Variants in DNM3 observed in about 807,000 individuals in gnomAD.
DNM3 encodes the protein dynamin 3, also known as dynamin-3.
In DNM3, 47 loss-of-function variants were observed where a neutral mutation model predicts 101.6. That is an observed-to-expected ratio of 0.46 (90% CI 0.37 to 0.59). The LOEUF (loss-of-function observed/expected upper bound fraction) is 0.59, where lower values mean the gene tolerates loss of function less well. Among genes scored for constraint, DNM3 ranks in the 20% least tolerant of loss-of-function variants. The pLI is 0.00. For missense variants in DNM3, 849 were observed against 1,085.7 expected, an observed-to-expected ratio of 0.78 and a Z score of 3.06; for synonymous variants, 385 against 387.9, an observed-to-expected ratio of 0.99 and a Z score of 0.09.
At chr1:171,853,233 T>C (rs1461869188) in intron 1 of DNM3, among the ~76,000 whole-genome samples, 1 of 152,018 alleles carries the variant, frequency 6.6e-6, no homozygotes, top group Non-Finnish European at 1.5e-5. Flanking sequence ...GCATGAAAAC[T>C]GCTCACTGCA....
intron 10 of DNM3, among the ~76,000 whole-genome samples, chr1:172,052,301 C>T (rs756271795): frequency 2.6e-4 from 39 of 152,114 alleles, no homozygotes; most frequent in Non-Finnish European, 4.9e-4. Flanking sequence ...ACTCTCACCT[C>T]CTTAGAGGAT....
chr1:172,038,339 G>C lies in DNM3; in HGVS notation c.870G>C (p.Arg290=). ...TTTAGCAACTTACCAACCACATTCG[G>C]GATACCCTACCAAACTTCAGGAACA... The part of the protein sequence containing the change: ...VLNQQLTNHI[R]DTLPNFRNKL... The change falls in exon 7 of 21, where the codon CGG becomes CGC. Residue 290 remains arginine, a synonymous_variant. Coordinates refer to ENST00000627582, the MANE Select transcript of DNM3 (RefSeq NM_015569.5). 6.2e-7 allele frequency: 1 copy of C among 1,613,194 alleles called. No homozygotes were observed. Among genetic ancestry groups the C allele is most frequent in the Admixed American group, 1.7e-5 (1 of 59,886 alleles).
Position 172,140,823 on chromosome 1 carries a change from G to A in DNM3, c.1659+9535G>A, listed in dbSNP as rs539835046. ...CACTTACAGTAACTATGTGACATAT[G>A]CACACTTCATTGTTATGTTGAACCT... On this transcript the variant is annotated intron_variant, in intron 14 of 20. Coordinates refer to ENST00000627582, the MANE Select transcript of DNM3 (RefSeq NM_015569.5). 2.0e-5 allele frequency among the ~76,000 whole-genome samples: 3 copies of A among 152,010 alleles called. No homozygotes were observed. In the South Asian group the frequency reaches 6.2e-4, roughly 32 times the overall value.
At position 172,388,697 on chromosome 1, in the gene DNM3, C is replaced by G; in HGVS notation, c.2410C>G (p.Pro804Ala). ...TCCTGGCCCCCACTCTGGGGCTCCT[C>G]CAGTCCCATTCCGTCCAGGCCCATT... ...PSPGPHSGAP[P>A]VPFRPGPLPP... Residue 804 changes from proline to alanine, a missense_variant, in exon 20 of 21, where the codon CCA becomes GCA. Pro to Ala is a conservative substitution (Grantham distance 27). This residue lies in a region of DNM3 where 256 missense variants were observed against 311.7 expected (regional missense o/e 0.82). Coordinates refer to ENST00000627582, the MANE Select transcript of DNM3 (RefSeq NM_015569.5). 6.2e-7 allele frequency: 1 copy of G among 1,613,920 alleles called. No individual in the cohort carries two copies. The highest frequency in any genetic ancestry group is 8.5e-7 in the Non-Finnish European group (1 of 1,179,866).
intron 1 of DNM3, among the ~76,000 whole-genome samples, chr1:171,908,026 A>T (rs542125840): frequency 2.6e-5 from 4 of 152,346 alleles, no homozygotes; most frequent in African/African-American, 9.6e-5. Flanking sequence ...TCGTGTATCT[A>T]TATAAAATGG....
intron 11 of DNM3, among the ~76,000 whole-genome samples, chr1:172,073,275 T>TTA (rs201726935): frequency 0.073 from 10,306 of 140,870 alleles, 689 homozygotes; most frequent in East Asian, 0.17. Flanking sequence ...GTATATATGC[T>TTA]TATATGTATA....
intron 13 of DNM3, among the ~76,000 whole-genome samples, chr1:172,124,416 G>T (rs1020779721): frequency 2.0e-5 from 3 of 152,174 alleles, no homozygotes; most frequent in Non-Finnish European, 4.4e-5. Flanking sequence ...TACCCACCAG[G>T]ATATTTTTTA....
chr1:172,228,526 G>C (rs1176761057), intron 14 of DNM3, among the ~76,000 whole-genome samples: 1 of 151,838 alleles, frequency 6.6e-6, no homozygotes, highest in African/African-American at 2.4e-5. Flanking sequence ...GATTACTTTT[G>C]TTTTCTTTGG....
chr1:171,996,035 A>G (rs1318394595), intron 4 of DNM3, among the ~76,000 whole-genome samples: 2 of 152,190 alleles, frequency 1.3e-5, no homozygotes, highest in African/African-American at 4.8e-5. Context: ...GCATAATAAT[A>G]TTCAGATTGA....
Position 172,395,205 on chromosome 1 carries a change from C to T in DNM3, c.2522+6396C>T, listed in dbSNP as rs542305453. Among the ~76,000 whole-genome samples, 7 of 146,246 alleles carry T rather than the reference C, an allele frequency of 4.8e-5. No individual in the cohort carries two copies. The East Asian group carries it at 1.4e-3, about 29-fold the overall frequency. On this transcript the variant is annotated intron_variant, in intron 20 of 20. Coordinates refer to ENST00000627582, the MANE Select transcript of DNM3 (RefSeq NM_015569.5). ...TTTTTTTTTTTTTGAGGCGGAGTCT[C>T]TATCACCCAGGCTGGAGTGCAGTGG...
intron 15 of DNM3, among the ~76,000 whole-genome samples, chr1:172,265,434 CTACA>C (rs2062822517): frequency 6.6e-6 from 1 of 152,128 alleles, no homozygotes; most frequent in Non-Finnish European, 1.5e-5. Flanking sequence ...CTGGTTTAGC[CTACA>C]TAAACTCCCG....
intron 14 of DNM3, among the ~76,000 whole-genome samples, chr1:172,193,903 C>G (rs2059839421): frequency 6.6e-6 from 1 of 152,074 alleles, no homozygotes; most frequent in African/African-American, 2.4e-5. Flanking sequence ...CTTTTGCTAG[C>G]TTTTGAATGT....
At chr1:172,228,202 CT>C (rs952125696) in intron 14 of DNM3, among the ~76,000 whole-genome samples, 25 of 148,532 alleles carry the variant, frequency 1.7e-4, no homozygotes, top group Admixed American at 3.4e-4. Flanking sequence ...TGCCAAATGT[CT>C]TTTTTTTTTC....
chr1:171,986,066 A>G (rs1477952593), intron 2 of DNM3, among the ~76,000 whole-genome samples: 1 of 152,160 alleles, frequency 6.6e-6, no homozygotes, highest in African/African-American at 2.4e-5. Flanking sequence ...CTGTTACCCA[A>G]TAGTGGATGG....
chr1:172,262,515 G>T (rs943693719), intron 15 of DNM3, among the ~76,000 whole-genome samples: 4 of 152,076 alleles, frequency 2.6e-5, no homozygotes, highest in Non-Finnish European at 5.9e-5. Flanking sequence ...GGTCTACTGG[G>T]GGTCTCTCAT....
chr1:172,163,593 T>C (rs771092664), intron 14 of DNM3, among the ~76,000 whole-genome samples: 2 of 151,974 alleles, frequency 1.3e-5, no homozygotes, highest in Non-Finnish European at 2.9e-5. Flanking sequence ...ACTTAGTTTG[T>C]TGTATTACTG....
At chr1:172,345,104 T>G (rs1034078529) in intron 17 of DNM3, among the ~76,000 whole-genome samples, 2 of 152,168 alleles carry the variant, frequency 1.3e-5, no homozygotes, top group African/African-American at 2.4e-5. Flanking sequence ...TCTTTTAAAA[T>G]ATAGCTTGGA....
intron 14 of DNM3, among the ~76,000 whole-genome samples, chr1:172,244,385 A>G (rs1394904024): frequency 1.3e-5 from 2 of 152,176 alleles, no homozygotes; most frequent in Admixed American, 1.3e-4. Context: ...GCTTCTGCAC[A>G]GCAAAAGAAA....
intron 15 of DNM3, among the ~76,000 whole-genome samples, chr1:172,296,026 C>T (rs12069167): frequency 0.28 from 42,426 of 151,852 alleles, 5,983 homozygotes; most frequent in East Asian, 0.31. Context: ...AAGTCCTTAG[C>T]AAGCAACCAT....
Sources: allele counts gnomAD v4.1 joint callset (sites outside exome capture counted in the v4.1 genomes callset), GRCh38; gene constraint gnomAD v4.1.1; regional missense constraint gnomAD v4.1.1; transcripts MANE v1.5; gene names NCBI Gene and HGNC (gene_info 2026-07-23, HGNC 2026-07-21).